RBBP6: variants seen among roughly 807,000 people sequenced by gnomAD.
RBBP6 encodes RB binding protein 6, ubiquitin ligase.
A neutral mutation model predicts 167.7 loss-of-function variants in RBBP6; 25 were observed. The ratio of observed to expected loss-of-function variants is 0.15; its 90% CI spans 0.11 to 0.21. The LOEUF (loss-of-function observed/expected upper bound fraction) is 0.21, where lower values mean the gene tolerates loss of function less well. RBBP6 is among the 10% of genes least tolerant of loss of function. The pLI is 1.00. For synonymous variants in RBBP6, 789 were observed against 735.8 expected, an observed-to-expected ratio of 1.07 and a Z score of -1.17; for missense variants, 1,868 against 2,134.2, an observed-to-expected ratio of 0.88 and a Z score of 2.46.
chr16:24,563,725 C>T, intron 13 of RBBP6, 61 bp downstream of exon 13: 5 of 1,476,778 alleles, frequency 3.4e-6, no homozygotes, highest in Admixed American at 1.8e-5. Context: ...ATGGAAGGTC[C>T]AAACTAGGCA....
At chr16:24,545,412 T>A (rs773688085) in intron 1 of RBBP6, among the ~76,000 whole-genome samples, 1 of 152,210 alleles carries the variant, frequency 6.6e-6, no homozygotes, top group African/African-American at 2.4e-5. Context: ...ATAATCACTT[T>A]GCTTAAAATC....
At chr16:24,557,583 A>AC (rs1286998599) in intron 7 of RBBP6, among the ~76,000 whole-genome samples, 1 of 152,024 alleles carries the variant, frequency 6.6e-6, no homozygotes, top group East Asian at 1.9e-4. Context: ...AAAAAAAAAA[A>AC]GATCCTGGTT....
At chr16:24,567,709 C>G (rs1899229198) in intron 15 of RBBP6, 83 bp from the exon 16 acceptor site, 1 of 1,321,168 alleles carries the variant, frequency 7.6e-7, no homozygotes, top group Admixed American at 2.2e-5. Context: ...TCATTCATTT[C>G]ATTCATGATC....
rs1242445909 is a variant in RBBP6, at chr16:24,563,237, C to G, written c.1328C>G (p.Ala443Gly). The change falls in exon 11 of 18, where the codon GCA (alanine) becomes GGA (glycine). Residue 443 changes from alanine (A) to glycine (G), a missense_variant. Transcript: ENST00000319715. ...AAAATATTGCCAGCTGCAGCTCTTGCATCAGAGCACTCAAAGGGAACCTCC... is the reference window on the plus strand; with the variant it reads ...AAAATATTGCCAGCTGCAGCTCTTGGATCAGAGCACTCAAAGGGAACCTCC... Reference protein sequence around the residue: ...DNKILPAAALASEHSKGTSSI... With the variant: ...DNKILPAAALGSEHSKGTSSI... The G allele has an allele frequency of 6.2e-7, 1 of 1,611,258 alleles. No homozygotes were observed. Among genetic ancestry groups the G allele is most frequent in the East Asian group, 2.2e-5 (1 of 44,742 alleles).
rs200963939 is a variant in RBBP6, at chr16:24,541,193, C to CAA, written c.166+410_166+411dup. Among the ~76,000 whole-genome samples, 13 of 72,376 alleles carry CAA rather than the reference C, an allele frequency of 1.8e-4. 1 individual carries two copies. Among genetic ancestry groups the CAA allele is most frequent in the Admixed American group, 5.4e-4 (3 of 5,520 alleles). 47.5% of individuals were successfully genotyped at this position (72,376 alleles called of 152,430 possible). A position where few individuals can be genotyped will look rare whatever the true frequency, so the allele number is the denominator to read the frequency against. ...TTTGTTCAATCAGCAAAAAAAAAAA[C>CAA]AAAAAAAAAACCAAAAAAACAATTT... On this transcript the variant is annotated intron_variant, in intron 1 of 17. Coordinates refer to ENST00000319715, the MANE Select transcript of RBBP6 (RefSeq NM_006910.5).
chr16:24,554,789 C>G (rs1898876577), intron 4 of RBBP6: 1 of 147,152 alleles, frequency 6.8e-6, no homozygotes, highest in African/African-American at 2.5e-5. Context: ...TTTTTTTAAA[C>G]TACAGGTATT....
chr16:24,566,852 A>T (rs1234585159), intron 14 of RBBP6, among the ~76,000 whole-genome samples: 4 of 152,242 alleles, frequency 2.6e-5, no homozygotes, highest in Non-Finnish European at 5.9e-5. Context: ...GGTAGTAATT[A>T]GTGGAGTGAT....
rs1898997876 is a variant in RBBP6, at chr16:24,559,529, A to G, written c.699A>G (p.Lys233=). 2 of 1,600,680 alleles carry G rather than the reference A, an allele frequency of 1.2e-6. No homozygotes were observed. Among genetic ancestry groups the G allele is most frequent in the Admixed American group, 1.8e-5 (1 of 56,912 alleles). ...GAGAAGCATATGCAATTGGGAAGAAAGAGAAACCTCCCTTCTTACCAGAGG... is the reference window on the plus strand; with the variant it reads ...GAGAAGCATATGCAATTGGGAAGAAGGAGAAACCTCCCTTCTTACCAGAGG... ...IDAEAYAIGK[K]EKPPFLPEEP... The change falls in exon 8 of 18, where the codon AAA becomes AAG. Residue 233 remains lysine (K), a synonymous_variant. Transcript: ENST00000319715.
intron 8 of RBBP6, among the ~76,000 whole-genome samples, chr16:24,560,246 G>A (rs1172596094): frequency 6.6e-6 from 1 of 151,628 alleles, no homozygotes; most frequent in Non-Finnish European, 1.5e-5. Context: ...AGCTGGGACT[G>A]CAGGTGCCCG....
chr16:24,553,283 A>T, intron 3 of RBBP6: 3 of 423,480 alleles, frequency 7.1e-6, no homozygotes, highest in Non-Finnish European at 1.3e-5. Flanking sequence ...ACATTTTTTC[A>T]TTTTAATTGA....
chr16:24,544,165 A>G (rs1898575757), intron 1 of RBBP6, among the ~76,000 whole-genome samples: 1 of 152,202 alleles, frequency 6.6e-6, no homozygotes, highest in Non-Finnish European at 1.5e-5. Context: ...TTGTGAGTGC[A>G]TTGAGTTGTT....
rs771747016 is a variant in RBBP6 at position 24,569,788 on chromosome 16, A to G, written c.3098A>G (p.Asn1033Ser). ...GGATCTGCTGTGTCCAAAAAAGAAA[A>G]TATTGTAAAACCTGCTAAAGGACCC... The part of the protein sequence containing the change: ...NDGSAVSKKE[N>S]IVKPAKGPQE... Residue 1033 changes from asparagine to serine, a missense_variant, in exon 17 of 18, where the codon AAT (asparagine) becomes AGT (serine). Physicochemically the swap from Asn to Ser is conservative, Grantham distance 46. Transcript: ENST00000319715. 1.9e-5 allele frequency: 30 copies of G among 1,613,618 alleles called. No homozygotes were observed. In the East Asian group the frequency reaches 5.6e-4, roughly 30 times the overall value.
Position 24,539,691 on chromosome 16 carries a change from C to T in RBBP6, c.-936C>T, listed in dbSNP as rs1006967936. 1.3e-5 allele frequency: 2 copies of T among 152,212 alleles called. No individual in the cohort carries two copies. The highest frequency in any genetic ancestry group is 2.4e-5 in the African/African-American group (1 of 41,458). The allele number at this position is 152,212 out of a possible 1,614,324, so 9.4% of individuals were successfully genotyped here. A position where few individuals can be genotyped will look rare whatever the true frequency, so the allele number is the denominator to read the frequency against. Reference sequence around the variant, plus strand: ...ACACAAAAAGGGAGCCGGAGAAGCCCTAGCCGCTGCCCAGCAGCTTGCGGG... The same window carrying T: ...ACACAAAAAGGGAGCCGGAGAAGCCTTAGCCGCTGCCCAGCAGCTTGCGGG... On this transcript the variant is annotated 5_prime_UTR_variant, in exon 1 of 18. Coordinates refer to ENST00000319715, the MANE Select transcript of RBBP6 (RefSeq NM_006910.5).
intron 7 of RBBP6, among the ~76,000 whole-genome samples, chr16:24,557,412 TAGTC>T (rs928847423): frequency 2.6e-5 from 4 of 152,214 alleles, no homozygotes; most frequent in African/African-American, 7.2e-5. Context: ...TTTATTAATG[TAGTC>T]AGTTACTTTT....
chr16:24,543,511 G>A (rs1054077480), intron 1 of RBBP6, among the ~76,000 whole-genome samples: 1 of 151,790 alleles, frequency 6.6e-6, no homozygotes, highest in Non-Finnish European at 1.5e-5. Flanking sequence ...TGTTGCCCAG[G>A]CTGGTCTCCT....
intron 16 of RBBP6, among the ~76,000 whole-genome samples, 168 bp downstream of exon 16, chr16:24,568,061 G>A (rs934824435): frequency 4.6e-5 from 7 of 152,208 alleles, no homozygotes; most frequent in African/African-American, 1.7e-4. Context: ...TTGAAATAAT[G>A]TCTCAGTGTA....
In RBBP6 at chr16:24,567,371, A is replaced by G. The variant is rs970423346; in HGVS notation, c.1818A>G (p.Pro606=). The G allele has an allele frequency of 6.2e-7, 1 of 1,614,008 alleles. No individual in the cohort carries two copies. The highest frequency in any genetic ancestry group is 1.3e-5 in the African/African-American group (1 of 74,898). ...GYSVPPPGFP[P]APANLSTPWV... ...GTGTCCCTCCTCCAGGGTTTCCTCC[A>G]GCTCCTGCCAATTTATCAACACCTT... Residue 606 remains proline (P), a synonymous_variant, in exon 15 of 18, where the codon CCA becomes CCG. Coordinates refer to ENST00000319715, the MANE Select transcript of RBBP6 (RefSeq NM_006910.5).
At chr16:24,570,526 G>A in intron 17 of RBBP6, 27 bp downstream of exon 17, 1 of 1,512,240 alleles carries the variant, frequency 6.6e-7, no homozygotes. Context: ...GGTGGGTGTG[G>A]AACTTTGTTG....
intron 2 of RBBP6, among the ~76,000 whole-genome samples, chr16:24,547,178 A>G (rs545983893): frequency 2.6e-5 from 4 of 152,318 alleles, no homozygotes; most frequent in Admixed American, 2.6e-4. Flanking sequence ...TAGGGAATGG[A>G]AAGTGTTCTT....
Sources: gnomAD v4.1 joint callset for allele counts (sites outside exome capture counted in the v4.1 genomes callset) on GRCh38, gnomAD v4.1.1 for gene constraint, MANE v1.5 for transcripts, NCBI Gene and HGNC (gene_info 2026-07-23, HGNC 2026-07-21) for gene names.